TPH2: variants seen among roughly 807,000 people sequenced by gnomAD.
The protein encoded by TPH2 is tryptophan 5-hydroxylase 2.
TPH2 carries 27 observed loss-of-function variants against 59.1 expected under a neutral mutation model. The observed-to-expected ratio is 0.46, with a 90% confidence interval of 0.34 to 0.63. TPH2 has a LOEUF of 0.63. Ranked by LOEUF, TPH2 falls within the 30% of genes least tolerant of loss-of-function variation. The pLI is 0.01. For missense variants in TPH2, 523 were observed against 588.3 expected (o/e 0.89, Z 1.15); for synonymous variants, 220 against 210.5 (o/e 1.05, Z -0.39).
Position 71,939,003 on chromosome 12 carries a change from T to C in TPH2, c.17T>C (p.Met6Thr). Residue 6 changes from methionine (M) to threonine (T), a missense_variant, in exon 1 of 11, where the codon ATG (methionine) becomes ACG (threonine). Met to Thr is a moderately conservative substitution (Grantham distance 81). Coordinates refer to ENST00000333850, the MANE Select transcript of TPH2 (RefSeq NM_173353.4). ...CCGGGATCCATGCAGCCAGCAATGATGATGTTTTCCAGTAAATACTGGGCA... is the reference window on the plus strand; with the variant it reads ...CCGGGATCCATGCAGCCAGCAATGACGATGTTTTCCAGTAAATACTGGGCA... MQPAM[M>T]MFSSKYWARR... The C allele has an allele frequency of 1.2e-6, 2 of 1,614,038 alleles. No individual in the cohort carries two copies. Among genetic ancestry groups the C allele is most frequent in the Non-Finnish European group, 8.5e-7 (1 of 1,179,958 alleles).
intron 5 of TPH2, among the ~76,000 whole-genome samples, chr12:71,961,077 AG>A (rs1334164802): frequency 6.6e-6 from 1 of 152,178 alleles, no homozygotes; most frequent in East Asian, 1.9e-4. Flanking sequence ...GAGGAAACGG[AG>A]GCCAAACCTT....
chr12:71,949,940 AG>A (rs1316823224), intron 5 of TPH2, among the ~76,000 whole-genome samples: 1 of 151,932 alleles, frequency 6.6e-6, no homozygotes, highest in East Asian at 1.9e-4. Flanking sequence ...TGCAGGCCTT[AG>A]AAACTGTGTT....
chr12:72,009,842 G>A (rs184262382), intron 8 of TPH2, among the ~76,000 whole-genome samples: 3 of 152,276 alleles, frequency 2.0e-5, no homozygotes, highest in African/African-American at 7.2e-5. Context: ...AATTCTGGGG[G>A]CCTGTAATGT....
chr12:71,968,379 G>A (rs1434942957), intron 5 of TPH2, among the ~76,000 whole-genome samples: 1 of 152,174 alleles, frequency 6.6e-6, no homozygotes, highest in East Asian at 1.9e-4. Context: ...CATCTTTCTC[G>A]CAGGCACACC....
At chr12:71,960,133 G>C (rs139673501) in intron 5 of TPH2, among the ~76,000 whole-genome samples, 75 of 152,268 alleles carry the variant, frequency 4.9e-4, no homozygotes, top group African/African-American at 1.8e-3. Context: ...GCGGTAAATT[G>C]AAAAGTAGAA....
intron 8 of TPH2, among the ~76,000 whole-genome samples, chr12:72,009,743 A>G (rs1228095880): frequency 2.0e-5 from 3 of 152,248 alleles, no homozygotes; most frequent in African/African-American, 7.2e-5. Context: ...AGGGCAGGAC[A>G]TGGCAGAATG....
rs1871731414 is a variant in TPH2 at position 71,963,059 on chromosome 12, G to C, written c.609-9460G>C. Among the ~76,000 whole-genome samples the C allele has an allele frequency of 7.5e-5, 4 of 53,282 alleles. 2 individuals carry two copies. The highest frequency in any genetic ancestry group is 1.9e-4 in the Non-Finnish European group (4 of 20,770). 35.0% of individuals were successfully genotyped at this position (53,282 alleles called of 152,430 possible). A position where few individuals can be genotyped will look rare whatever the true frequency, so the allele number is the denominator to read the frequency against. ...TCCAGGCTCCACCCTGGGTAGCAGG[G>C]ATACAAAAATGAACACAGCAACAAA... On this transcript the variant is annotated intron_variant, in intron 5 of 10. Coordinates refer to ENST00000333850, the MANE Select transcript of TPH2 (RefSeq NM_173353.4).
intron 2 of TPH2, among the ~76,000 whole-genome samples, chr12:71,942,967 C>T (rs1871113317): frequency 6.6e-6 from 1 of 152,158 alleles, no homozygotes; most frequent in African/African-American, 2.4e-5. Flanking sequence ...AGTTTTCACT[C>T]TGCCATCAGC....
chr12:71,997,827 C>T (rs1872731553), intron 8 of TPH2, among the ~76,000 whole-genome samples: 2 of 152,096 alleles, frequency 1.3e-5, no homozygotes, highest in Admixed American at 1.3e-4. Flanking sequence ...ATACAAAAAA[C>T]CCAGAGTCAG....
At chr12:71,969,967 T>G (rs1482725786) in intron 5 of TPH2, among the ~76,000 whole-genome samples, 1 of 152,212 alleles carries the variant, frequency 6.6e-6, no homozygotes, top group Non-Finnish European at 1.5e-5. Flanking sequence ...ATAAAAACAC[T>G]TAACCTTAAA....
chr12:71,985,684 A>G (rs1386240768), intron 7 of TPH2, among the ~76,000 whole-genome samples: 2 of 152,186 alleles, frequency 1.3e-5, no homozygotes, highest in Non-Finnish European at 2.9e-5. Flanking sequence ...GGTGTGAGCC[A>G]CTGTACCTGG....
chr12:72,028,629 C>T (rs543722257), intron 9 of TPH2, among the ~76,000 whole-genome samples: 1 of 152,208 alleles, frequency 6.6e-6, no homozygotes, highest in Admixed American at 6.5e-5. Flanking sequence ...GGCTGCTCCC[C>T]CATCTCCAGG....
intron 1 of TPH2, among the ~76,000 whole-genome samples, chr12:71,939,797 T>C (rs1871006401): frequency 1.3e-5 from 2 of 152,204 alleles, no homozygotes; most frequent in Admixed American, 1.3e-4. Context: ...GTAGTAGTCA[T>C]GGGATTTAAT....
chr12:71,982,639 C>A (rs1872317096), intron 7 of TPH2, among the ~76,000 whole-genome samples: 1 of 152,178 alleles, frequency 6.6e-6, no homozygotes, highest in Non-Finnish European at 1.5e-5. Context: ...AATGAAATCC[C>A]ATTTCCTCAA....
chr12:71,969,349 C>T (rs1217136479), intron 5 of TPH2, among the ~76,000 whole-genome samples: 3 of 152,154 alleles, frequency 2.0e-5, no homozygotes, highest in Non-Finnish European at 2.9e-5. Flanking sequence ...GACCAGGGCA[C>T]CCCTCTGGCT....
intron 5 of TPH2, among the ~76,000 whole-genome samples, chr12:71,955,099 A>G (rs1229919340): frequency 6.6e-6 from 1 of 152,160 alleles, no homozygotes; most frequent in African/African-American, 2.4e-5. Context: ...GGCAACTACA[A>G]CTGTCAATAG....
At chr12:71,987,029 G>A (rs1872455905) in intron 7 of TPH2, among the ~76,000 whole-genome samples, 2 of 152,190 alleles carry the variant, frequency 1.3e-5, no homozygotes, top group Admixed American at 6.5e-5. Flanking sequence ...AGAGGGAGCA[G>A]ACATTTCCCA....
rs1172420557 is a variant in TPH2, at chr12:71,944,372, T to TGTGA, written c.338_341dup (p.Cys114Ter). The TGTGA allele has an allele frequency of 1.9e-6, 3 of 1,613,946 alleles. No individual in the cohort carries two copies. The highest frequency in any genetic ancestry group is 2.5e-6 in the Non-Finnish European group (3 of 1,179,864). ...TTCTGAGGTTGAAATCTTTGTGGAC[T>TGTGA]GTGAGTGTGGGAAAACAGAATTCAA... is the stretch of plus-strand genomic sequence containing the variant. On this transcript the variant is annotated frameshift_variant, in exon 3 of 11. Transcript: ENST00000333850. LOFTEE classifies it high-confidence loss of function.
chr12:71,999,848 A>T (rs1276482160), intron 8 of TPH2, among the ~76,000 whole-genome samples: 1 of 152,206 alleles, frequency 6.6e-6, no homozygotes, highest in Non-Finnish European at 1.5e-5. Context: ...TCTACCTTAG[A>T]CTATACTATC....
Sources: allele counts gnomAD v4.1 joint callset (sites outside exome capture counted in the v4.1 genomes callset), GRCh38; gene constraint gnomAD v4.1.1; transcripts MANE v1.5; gene names NCBI Gene and HGNC (gene_info 2026-07-23, HGNC 2026-07-21).